ATXN7L1: variants seen among roughly 807,000 people sequenced by gnomAD.
ATXN7L1 encodes the protein ataxin 7 like 1.
A neutral mutation model predicts 70.8 loss-of-function variants in ATXN7L1; 15 were observed. The ratio of observed to expected loss-of-function variants is 0.21; its 90% CI spans 0.14 to 0.33. The LOEUF is 0.33. ATXN7L1 is among the 10% of genes least tolerant of loss of function. ATXN7L1 has a pLI of 1.00. For missense variants in ATXN7L1, 975 were observed against 1,097.1 expected, an observed-to-expected ratio of 0.89 and a Z score of 1.57; for synonymous variants, 440 against 445.1, an observed-to-expected ratio of 0.99 and a Z score of 0.14.
chr7:105,637,444 T>C (rs1297883549), intron 7 of ATXN7L1, among the ~76,000 whole-genome samples: 1 of 152,200 alleles, frequency 6.6e-6, no homozygotes, highest in Non-Finnish European at 1.5e-5. Context: ...ATTATTAATG[T>C]TTCCTTTTTA....
At chr7:105,675,663 G>A (rs147822880) in intron 3 of ATXN7L1, among the ~76,000 whole-genome samples, 1 of 152,030 alleles carries the variant, frequency 6.6e-6, no homozygotes, top group East Asian at 1.9e-4. Flanking sequence ...AATACATGAT[G>A]ATGAGGAAAA....
intron 2 of ATXN7L1, among the ~76,000 whole-genome samples, chr7:105,830,639 G>A (rs1298929331): frequency 6.6e-6 from 1 of 152,274 alleles, no homozygotes; most frequent in Non-Finnish European, 1.5e-5. Flanking sequence ...CCTGTGTTGG[G>A]AGGATTCCCA....
intron 2 of ATXN7L1, among the ~76,000 whole-genome samples, chr7:105,862,223 C>A (rs975583667): frequency 2.0e-5 from 3 of 152,020 alleles, no homozygotes; most frequent in Admixed American, 2.0e-4. Context: ...TCGCTTGAGC[C>A]CAGGAGTTCG....
intron 3 of ATXN7L1, among the ~76,000 whole-genome samples, chr7:105,674,131 C>T (rs1362395962): frequency 6.6e-6 from 1 of 152,234 alleles, no homozygotes; most frequent in Non-Finnish European, 1.5e-5. Flanking sequence ...TATGCTAGGT[C>T]TTCTTTACCC....
Position 105,629,526 on chromosome 7 carries a change from T to A in ATXN7L1, c.1203-5259A>T, listed in dbSNP as rs1191414758. Reference sequence around the variant, plus strand: ...TATTATTATTGTTACTTATTTATTTTTTTTTTGGAGATGGAGTCTCCCTCT... The same window carrying A: ...TATTATTATTGTTACTTATTTATTTATTTTTTGGAGATGGAGTCTCCCTCT... On this transcript the variant is annotated intron_variant, in intron 7 of 11. Coordinates refer to ENST00000419735, the MANE Select transcript of ATXN7L1 (RefSeq NM_020725.2). Among the ~76,000 whole-genome samples, 5 of 149,730 alleles carry A rather than the reference T, an allele frequency of 3.3e-5. No individual in the cohort carries two copies. In the East Asian group the frequency reaches 9.7e-4, roughly 29 times the overall value.
intron 3 of ATXN7L1, among the ~76,000 whole-genome samples, chr7:105,703,110 C>T (rs965182611): frequency 9.2e-5 from 14 of 151,798 alleles, no homozygotes; most frequent in Admixed American, 7.9e-4. Context: ...AGCAAGACTC[C>T]GTCTCAAAAA....
Position 105,741,583 on chromosome 7 carries a change from C to G in ATXN7L1, c.355+47021G>C, listed in dbSNP as rs188873438. Among the ~76,000 whole-genome samples, 22 of 152,228 alleles carry G rather than the reference C, an allele frequency of 1.4e-4. No homozygotes were observed. The East Asian group carries it at 4.1e-3, about 28-fold the overall frequency. On this transcript the variant is annotated intron_variant, in intron 3 of 11. Transcript: ENST00000419735. The stretch of plus-strand genomic sequence containing the variant: ...GGATGGGAAGAGAGGGGTGATGGAT[C>G]GGCCAGCTGGAAGGCAGTGTCAGCA...
chr7:105,742,533 C>T (rs1164763865), intron 3 of ATXN7L1, among the ~76,000 whole-genome samples: 2 of 152,188 alleles, frequency 1.3e-5, no homozygotes, highest in Non-Finnish European at 2.9e-5. Context: ...GAGTGAGACA[C>T]ACAGAGGTAG....
At chr7:105,613,410 G>A in intron 10 of ATXN7L1, 1 of 900,180 alleles carries the variant, frequency 1.1e-6, no homozygotes, top group African/African-American at 1.8e-5. Flanking sequence ...CCCTGGGTCA[G>A]CATTTAACCT....
At chr7:105,692,850 G>T (rs1470253796) in intron 3 of ATXN7L1, among the ~76,000 whole-genome samples, 1 of 151,650 alleles carries the variant, frequency 6.6e-6, no homozygotes, top group African/African-American at 2.4e-5. Flanking sequence ...CGATCCTCCC[G>T]ATTCAGCCTC....
chr7:105,620,731 C>T (rs560174193), intron 8 of ATXN7L1, among the ~76,000 whole-genome samples: 4 of 152,008 alleles, frequency 2.6e-5, no homozygotes, highest in African/African-American at 7.2e-5. Flanking sequence ...CCCGTTTCTA[C>T]TAAAAATACA....
chr7:105,618,870 T>G (rs1310121251), intron 9 of ATXN7L1, among the ~76,000 whole-genome samples: 2 of 152,188 alleles, frequency 1.3e-5, no homozygotes, highest in Non-Finnish European at 2.9e-5. Flanking sequence ...TTCTTCCCTG[T>G]TTATGAATCC....
At chr7:105,701,649 T>C (rs1221219070) in intron 3 of ATXN7L1, among the ~76,000 whole-genome samples, 1 of 152,060 alleles carries the variant, frequency 6.6e-6, no homozygotes, top group Non-Finnish European at 1.5e-5. Flanking sequence ...TTCAGAAGAG[T>C]TCTACTCATA....
At chr7:105,769,986 C>T (rs542911653) in intron 3 of ATXN7L1, among the ~76,000 whole-genome samples, 32 of 152,370 alleles carry the variant, frequency 2.1e-4, no homozygotes, top group African/African-American at 7.2e-4. Context: ...AAACTGCAGC[C>T]TTTAGCAGGA....
intron 3 of ATXN7L1, chr7:105,761,571 T>C (rs973447023): frequency 1.3e-5 from 18 of 1,412,142 alleles, no homozygotes; most frequent in Non-Finnish European, 1.6e-5. Context: ...TGTTTCCCCC[T>C]AAATTAAACA....
In ATXN7L1 at chr7:105,607,828, T is replaced by A; in HGVS notation, c.*24A>T. 1 of 1,549,544 alleles carries A rather than the reference T, an allele frequency of 6.5e-7. No homozygotes were observed. The highest frequency in any genetic ancestry group is 2.4e-5 in the East Asian group (1 of 40,924). The stretch of plus-strand genomic sequence containing the variant: ...ATGGGATTAGGTGGCCTGGAATTGA[T>A]GTGGAAGTGGCTTCATAGTCTTGTT... On this transcript the variant is annotated 3_prime_UTR_variant, in exon 12 of 12. Transcript: ENST00000419735.
At chr7:105,683,076 A>G (rs1805740116) in intron 3 of ATXN7L1, among the ~76,000 whole-genome samples, 1 of 152,238 alleles carries the variant, frequency 6.6e-6, no homozygotes, top group Non-Finnish European at 1.5e-5. Flanking sequence ...GTAATTTTTA[A>G]GTTAAAGTAA....
In ATXN7L1 at chr7:105,829,514, C is replaced by T. The variant is rs114540471; in HGVS notation, c.251-40806G>A. Among the ~76,000 whole-genome samples, 349 of 152,182 alleles carry T rather than the reference C, an allele frequency of 2.3e-3. 1 individual carries two copies. Among genetic ancestry groups the T allele is most frequent in the African/African-American group, 8.0e-3 (331 of 41,524 alleles). On this transcript the variant is annotated intron_variant, in intron 2 of 11. Transcript: ENST00000419735. ...CCATTTCCCACTCAGAGAGAAAGCT[C>T]CTATGGGCCAGCATGGAGGAAGGAG...
intron 2 of ATXN7L1, among the ~76,000 whole-genome samples, chr7:105,809,270 G>A (rs1281146179): frequency 6.6e-6 from 1 of 152,194 alleles, no homozygotes; most frequent in Non-Finnish European, 1.5e-5. Flanking sequence ...GGTTTAAAAA[G>A]CCCCATATAA....
Sources: allele counts gnomAD v4.1 joint callset (sites outside exome capture counted in the v4.1 genomes callset), GRCh38; gene constraint gnomAD v4.1.1; transcripts MANE v1.5; gene names NCBI Gene and HGNC (gene_info 2026-07-23, HGNC 2026-07-21).